The following KDM4C variants were observed in gnomAD, a reference collection of about 807,000 sequenced individuals.
The protein encoded by KDM4C is lysine demethylase 4C, also known as lysine-specific demethylase 4C.
KDM4C carries 81 observed loss-of-function variants against 129.3 expected under a neutral mutation model. The observed-to-expected ratio is 0.63, with a 90% CI of 0.52 to 0.75. The LOEUF (loss-of-function observed/expected upper bound fraction) is 0.75, where lower values mean the gene tolerates loss of function less well. KDM4C is among the 30% of genes least tolerant of loss of function. The pLI is 0.00. For synonymous variants in KDM4C, 573 were observed against 456.1 expected, an observed-to-expected ratio of 1.26 and a Z score of -3.26; for missense variants, 1,457 against 1,304.0, an observed-to-expected ratio of 1.12 and a Z score of -1.81.
chr9:6,933,448 G>T (rs542222204), intron 8 of KDM4C, among the ~76,000 whole-genome samples: 1 of 152,278 alleles, frequency 6.6e-6, no homozygotes, highest in East Asian at 1.9e-4. Context: ...CAGTGGCTTG[G>T]ACCACATTCA....
At chr9:6,940,030 CTTCT>C (rs1305793069) in intron 8 of KDM4C, among the ~76,000 whole-genome samples, 5,587 of 132,592 alleles carry the variant, frequency 0.042, 192 homozygotes, top group Middle Eastern at 0.06. Flanking sequence ...TCCTTCCTTC[CTTCT>C]TTCCTTCCTT....
chr9:6,860,883 A>G (rs943287151), intron 5 of KDM4C, among the ~76,000 whole-genome samples: 4 of 152,196 alleles, frequency 2.6e-5, no homozygotes, highest in African/African-American at 4.8e-5. Flanking sequence ...ATGAAGGTTG[A>G]TTAACTTACC....
intron 3 of KDM4C, among the ~76,000 whole-genome samples, chr9:6,806,884 C>G (rs111285283): frequency 0.14 from 9,325 of 66,058 alleles, 440 homozygotes; most frequent in Admixed American, 0.27. Flanking sequence ...CTCCGTCTCC[C>G]TCTCCCTCTC....
chr9:7,044,300 G>T (rs7041764), intron 15 of KDM4C, among the ~76,000 whole-genome samples: 97,894 of 151,728 alleles, frequency 0.65, 31,947 homozygotes, highest in South Asian at 0.72. Flanking sequence ...AGGAACCTCA[G>T]GGAGGTCCTT....
intron 18 of KDM4C, among the ~76,000 whole-genome samples, chr9:7,118,083 A>G (rs1839109932): frequency 6.6e-6 from 1 of 152,214 alleles, no homozygotes; most frequent in Non-Finnish European, 1.5e-5. Flanking sequence ...AAACAGGGCC[A>G]CTACCTCCGA....
chr9:6,899,240 C>G (rs911239561), intron 8 of KDM4C, among the ~76,000 whole-genome samples: 1 of 152,038 alleles, frequency 6.6e-6, no homozygotes, highest in Non-Finnish European at 1.5e-5. Context: ...TATTCCCCTT[C>G]TCCCCACATG....
At chr9:6,930,063 T>G (rs1477414052) in intron 8 of KDM4C, among the ~76,000 whole-genome samples, 1 of 152,178 alleles carries the variant, frequency 6.6e-6, no homozygotes, top group Non-Finnish European at 1.5e-5. Flanking sequence ...TTGATTTAAT[T>G]GGTTTTAGTT....
intron 8 of KDM4C, among the ~76,000 whole-genome samples, chr9:6,894,151 T>C (rs1418482162): frequency 6.6e-6 from 1 of 152,174 alleles, no homozygotes; most frequent in Non-Finnish European, 1.5e-5. Flanking sequence ...TAGACAGAAG[T>C]ATATTTAGGG....
At chr9:6,798,041 G>A (rs1419778557) in intron 2 of KDM4C, among the ~76,000 whole-genome samples, 3 of 152,028 alleles carry the variant, frequency 2.0e-5, no homozygotes, top group Admixed American at 2.0e-4. Context: ...TGATGTCTTA[G>A]GATTTCAAAT....
intron 17 of KDM4C, among the ~76,000 whole-genome samples, chr9:7,070,240 C>G (rs1015238377): frequency 3.3e-5 from 5 of 152,100 alleles, no homozygotes; most frequent in Admixed American, 2.6e-4. Context: ...AAAAATCTTT[C>G]TAGAATAAAA....
intron 8 of KDM4C, chr9:6,925,459 C>G (rs13292477): frequency 0.063 from 45,313 of 720,786 alleles, 1,721 homozygotes; most frequent in Middle Eastern, 0.095. Flanking sequence ...CCTTCCCCCT[C>G]TCCTCCCCTC....
At chr9:6,822,061 A>G (rs1008425902) in intron 4 of KDM4C, among the ~76,000 whole-genome samples, 16 of 152,202 alleles carry the variant, frequency 1.1e-4, no homozygotes, top group African/African-American at 3.1e-4. Flanking sequence ...TTATTTTTAA[A>G]ACCAAAAAAC....
At chr9:6,871,417 T>TA (rs1023093131) in intron 5 of KDM4C, among the ~76,000 whole-genome samples, 1 of 152,216 alleles carries the variant, frequency 6.6e-6, no homozygotes, top group Non-Finnish European at 1.5e-5. Flanking sequence ...AAATAAATCT[T>TA]AAAAAAAATT....
chr9:7,055,689 CT>C (rs1490733226), intron 17 of KDM4C, among the ~76,000 whole-genome samples: 1 of 152,220 alleles, frequency 6.6e-6, no homozygotes, highest in African/African-American at 2.4e-5. Context: ...TACAATCACA[CT>C]TCCTATTTCT....
chr9:6,953,647 C>T (rs1293679582), intron 8 of KDM4C, among the ~76,000 whole-genome samples: 2 of 152,058 alleles, frequency 1.3e-5, no homozygotes, highest in African/African-American at 4.8e-5. Context: ...AATATTTTAC[C>T]AATTCATGTG....
chr9:6,807,998 T>G (rs1588419161), intron 3 of KDM4C, among the ~76,000 whole-genome samples: 3 of 99,420 alleles, frequency 3.0e-5, no homozygotes, highest in South Asian at 3.4e-4. Flanking sequence ...GTGGGGGGGG[T>G]CAGCCCCCCT....
chr9:6,773,090 C>A (rs546876497), intron 1 of KDM4C, among the ~76,000 whole-genome samples: 1 of 151,992 alleles, frequency 6.6e-6, no homozygotes. Flanking sequence ...GCCTCGACCT[C>A]CCAGACTCAA....
chr9:6,960,583 T>C (rs1829869659), intron 8 of KDM4C, among the ~76,000 whole-genome samples: 1 of 152,104 alleles, frequency 6.6e-6, no homozygotes, highest in Admixed American at 6.5e-5. Flanking sequence ...TCTTTAAAGA[T>C]TGTCATAGAA....
intron 2 of KDM4C, among the ~76,000 whole-genome samples, chr9:6,798,954 AT>A (rs1278787775): frequency 6.8e-6 from 1 of 147,668 alleles, no homozygotes; most frequent in Non-Finnish European, 1.5e-5. Flanking sequence ...CGCTCCTCAC[AT>A]CCCAGACGAT....
Sources: gnomAD v4.1 joint callset for allele counts (sites outside exome capture counted in the v4.1 genomes callset) on GRCh38, gnomAD v4.1.1 for gene constraint, MANE v1.5 for transcripts, NCBI Gene and HGNC (gene_info 2026-07-23, HGNC 2026-07-21) for gene names.